ABCA5: variants seen among roughly 807,000 people sequenced by gnomAD.
ABCA5 encodes cholesterol transporter ABCA5.
ABCA5 carries 163 observed loss-of-function variants against 206.0 expected under a neutral mutation model. The ratio of observed to expected loss-of-function variants is 0.79; its 90% CI spans 0.70 to 0.90. The LOEUF (loss-of-function observed/expected upper bound fraction) is 0.90. Ranked by LOEUF, ABCA5 falls within the 40% of genes least tolerant of loss-of-function variation. The pLI is 0.00. For synonymous variants in ABCA5, 609 were observed against 613.8 expected, an observed-to-expected ratio of 0.99 and a Z score of 0.11; for missense variants, 1,859 against 1,912.9, an observed-to-expected ratio of 0.97 and a Z score of 0.53.
At chr17:69,313,993 G>A (rs1304463864) in intron 2 of ABCA5, among the ~76,000 whole-genome samples, 1 of 152,080 alleles carries the variant, frequency 6.6e-6, no homozygotes, top group African/African-American at 2.4e-5. Context: ...GAGGTTGTGG[G>A]ATATAAAACT....
Position 69,306,770 on chromosome 17 carries a change from A to ATTTTTTT in ABCA5, c.736_742dup (p.Ile248LysfsTer14). On this transcript the variant is annotated frameshift_variant, in exon 6 of 39. Coordinates refer to ENST00000392676, the MANE Select transcript of ABCA5 (RefSeq NM_172232.4). LOFTEE classifies it high-confidence loss of function. ...TCCCATTATCTTTAAAAATTCTTTT[A>ATTTTTTT]TTTTTTTTTCTTTTTCTGCTACGAT... is the stretch of plus-strand genomic sequence containing the variant. 6.4e-7 allele frequency: 1 copy of ATTTTTTT among 1,553,674 alleles called. No individual in the cohort carries two copies. The highest frequency in any genetic ancestry group is 8.7e-7 in the Non-Finnish European group (1 of 1,147,078).
rs565617338 is a variant in ABCA5 at position 69,252,773 on chromosome 17, G to A, written c.4415+800C>T. On this transcript the variant is annotated intron_variant, in intron 34 of 38. Coordinates refer to ENST00000392676, the MANE Select transcript of ABCA5 (RefSeq NM_172232.4). ...AATCGCTTCAGCCTGGGAAGCAGAG[G>A]TTGCAGTAAGCCAAGACGGCACCAC... 3.3e-5 allele frequency among the ~76,000 whole-genome samples: 5 copies of A among 149,614 alleles called. No homozygotes were observed. The East Asian group carries it at 7.8e-4, about 23-fold the overall frequency.
intron 9 of ABCA5, among the ~76,000 whole-genome samples, chr17:69,298,143 G>A (rs559034491): frequency 2.6e-5 from 4 of 151,408 alleles, no homozygotes; most frequent in Non-Finnish European, 5.9e-5. Flanking sequence ...CTGTGATCGT[G>A]CCACTGCACT....
rs2075447838 is a variant in ABCA5, at chr17:69,286,030, T to C, written c.2140A>G (p.Ile714Val). The C allele has an allele frequency of 6.2e-6, 10 of 1,609,674 alleles. No individual in the cohort carries two copies. The highest frequency in any genetic ancestry group is 1.1e-5 in the South Asian group (1 of 90,186). ...WGIGYRLSMY[I>V]DKYCATESLS... Reference sequence around the variant, plus strand: ...GATTCTGTGGCACAATATTTGTCTATGTACATGCTAGAGAATACCAAAAAT... The same window carrying C: ...GATTCTGTGGCACAATATTTGTCTACGTACATGCTAGAGAATACCAAAAAT... The change falls in exon 17 of 39, where the codon ATA becomes GTA. Residue 714 changes from isoleucine (I) to valine (V), a missense_variant. By Grantham distance (29) the Ile-to-Val change is conservative. Coordinates refer to ENST00000392676, the MANE Select transcript of ABCA5 (RefSeq NM_172232.4).
At chr17:69,289,334 T>G (rs2075498983) in intron 13 of ABCA5, 38 bp from the exon 14 acceptor site, 3 of 1,437,610 alleles carry the variant, frequency 2.1e-6, no homozygotes, top group South Asian at 3.2e-5. Flanking sequence ...ATTTTAAAAA[T>G]CATACCATTT....
intron 9 of ABCA5, among the ~76,000 whole-genome samples, chr17:69,300,157 G>A (rs369184400): frequency 3.3e-5 from 5 of 152,118 alleles, no homozygotes; most frequent in South Asian, 2.1e-4. Flanking sequence ...GCAACTAGGC[G>A]GTCCCATCTG....
intron 18 of ABCA5, among the ~76,000 whole-genome samples, chr17:69,279,700 A>G (rs1234559462): frequency 6.6e-6 from 1 of 152,142 alleles, no homozygotes; most frequent in East Asian, 1.9e-4. Context: ...GATCAATGGA[A>G]CAGAACAGAG....
At chr17:69,272,603 G>C (rs1217440179) in intron 20 of ABCA5, among the ~76,000 whole-genome samples, 1 of 151,848 alleles carries the variant, frequency 6.6e-6, no homozygotes, top group Non-Finnish European at 1.5e-5. Context: ...TTATATATTA[G>C]CAATATAAAA....
intron 1 of ABCA5, chr17:69,318,876 T>C (rs1228305200): frequency 4.3e-6 from 3 of 702,260 alleles, no homozygotes; most frequent in African/African-American, 3.5e-5. Flanking sequence ...TGTGTGGAGA[T>C]GGCAACTAGT....
intron 1 of ABCA5, chr17:69,317,032 A>G (rs1204849149): frequency 6.6e-6 from 1 of 152,250 alleles, no homozygotes; most frequent in Non-Finnish European, 1.5e-5. Flanking sequence ...AGGTAGAAAC[A>G]GCCCAAATAC....
chr17:69,284,049 G>T lies in ABCA5; in HGVS notation c.2296C>A (p.His766Asn). The T allele has an allele frequency of 6.2e-7, 1 of 1,604,406 alleles. No homozygotes were observed. Among genetic ancestry groups the T allele is most frequent in the South Asian group, 1.1e-5 (1 of 88,976 alleles). ...TAAGAAATGACACCCAAATTTGAAT[G>T]ACTGTCTAGGGCAGAAAACAAACCT... The part of the protein sequence containing the change: ...FSGLFSALDS[H>N]SNLGVISYGV... Residue 766 changes from histidine to asparagine, a missense_variant, in exon 18 of 39, where the codon CAT becomes AAT. Physicochemically the swap from His to Asn is moderately conservative, Grantham distance 68. Transcript: ENST00000392676.
At chr17:69,249,645 C>A in intron 37 of ABCA5, 1 of 414,608 alleles carries the variant, frequency 2.4e-6, no homozygotes. Flanking sequence ...TAGAGTTTAT[C>A]TACAAAATCC....
Position 69,309,413 on chromosome 17 carries a change from A to G in ABCA5, c.318T>C (p.Thr106=). 2 of 1,568,430 alleles carry G rather than the reference A, an allele frequency of 1.3e-6. No homozygotes were observed. The highest frequency in any genetic ancestry group is 1.7e-6 in the Non-Finnish European group (2 of 1,160,334). Residue 106 remains threonine (T), a synonymous_variant, in exon 4 of 39, where the codon ACT becomes ACC. Transcript: ENST00000392676. ...TTTCTTTTTCATTTGTATATTCTTCAGTAATTATGACTGTAAGATATCATA... is the reference window on the plus strand; with the variant it reads ...TTTCTTTTTCATTTGTATATTCTTCGGTAATTATGACTGTAAGATATCATA... ...STDHLPDVII[T]EEYTNEKEML... is the part of the protein sequence containing the mutation.
At position 69,291,175 on chromosome 17, in the gene ABCA5, T is replaced by C. The variant is rs761078949; in HGVS notation, c.1606+41A>G. The C allele has an allele frequency of 3.0e-6, 4 of 1,316,846 alleles. No homozygotes were observed. In the African/African-American group the frequency reaches 4.5e-5, roughly 15 times the overall value. The allele number at this position is 1,316,846 out of a possible 1,614,324, so 81.6% of individuals were successfully genotyped here. ...TTATTCAATACACATTTAAAGAATA[T>C]ATATAATGAAGTTTTTTTTTCTTTA... On this transcript the variant is annotated intron_variant, in intron 12 of 38. Transcript: ENST00000392676.
chr17:69,308,210 T>C lies in ABCA5; in HGVS notation c.558+70A>G, dbSNP rs367613634. ...TTGACAGTAGTCAAACCAAATACTATTGTAAAGAATAAGGAAATATTTATT... is the reference window on the plus strand; with the variant it reads ...TTGACAGTAGTCAAACCAAATACTACTGTAAAGAATAAGGAAATATTTATT... On this transcript the variant is annotated intron_variant, in intron 5 of 38. Transcript: ENST00000392676. 2.8e-4 allele frequency: 275 copies of C among 988,386 alleles called. 1 individual carries two copies. The East Asian group carries it at 4.6e-3, about 16-fold the overall frequency. The allele number at this position is 988,386 out of a possible 1,614,324, so 61.2% of individuals were successfully genotyped here.
intron 18 of ABCA5, among the ~76,000 whole-genome samples, chr17:69,280,455 C>T (rs1447716434): frequency 1.1e-4 from 16 of 150,340 alleles, no homozygotes; most frequent in African/African-American, 3.9e-4. Context: ...ACTAGTTCAA[C>T]CATTGTGGAA....
chr17:69,271,081 C>A, intron 21 of ABCA5, 81 bp downstream of exon 21: 1 of 1,485,470 alleles, frequency 6.7e-7, no homozygotes, highest in Non-Finnish European at 9.0e-7. Flanking sequence ...AAGGTCAAAT[C>A]AACAAATAAT....
chr17:69,297,089 TA>T, intron 10 of ABCA5, 101 bp downstream of exon 10: 1 of 1,135,796 alleles, frequency 8.8e-7, no homozygotes, highest in Non-Finnish European at 1.2e-6. Flanking sequence ...ATGGCATATG[TA>T]CCAAATCTAA....
rs2075506151 is a variant in ABCA5, at chr17:69,289,895, G to T, written c.1749C>A (p.Ile583=). Residue 583 remains isoleucine, a synonymous_variant, in exon 13 of 39, where the codon ATC becomes ATA. Transcript: ENST00000392676. ...VEENLSILAS[I]KGIPANNIIQ... is the part of the protein sequence containing the mutation. ...TTATATTGTTGGCTGGTATCCCTTT[G>T]ATTGAAGCCAAAATTGATAAATTTT... 4 of 1,611,042 alleles carry T rather than the reference G, an allele frequency of 2.5e-6. No homozygotes were observed. Among genetic ancestry groups the T allele is most frequent in the Non-Finnish European group, 3.4e-6 (4 of 1,178,844 alleles).
Sources: allele counts gnomAD v4.1 joint callset (sites outside exome capture counted in the v4.1 genomes callset), GRCh38; gene constraint gnomAD v4.1.1; transcripts MANE v1.5; gene names NCBI Gene and HGNC (gene_info 2026-07-23, HGNC 2026-07-21).